Variants in VPS53 observed in about 807,000 individuals in gnomAD.
The protein encoded by VPS53 is vacuolar protein sorting-associated protein 53 homolog.
Under a neutral mutation model 107.0 loss-of-function variants are expected in VPS53, and 70 were observed. That is an observed-to-expected ratio of 0.65 (90% confidence interval 0.54 to 0.80). The LOEUF is 0.80. Among genes scored for constraint, VPS53 ranks in the 30% least tolerant of loss-of-function variants. The pLI, the probability that VPS53 is intolerant of heterozygous loss-of-function variation, is 0.00. For synonymous variants in VPS53, 409 were observed against 393.3 expected, an observed-to-expected ratio of 1.04 and a Z score of -0.47; for missense variants, 917 against 1,049.4, an observed-to-expected ratio of 0.87 and a Z score of 1.74.
chr17:627,255 T>C lies in VPS53; in HGVS notation c.893A>G (p.Tyr298Cys), dbSNP rs373758706. The change falls in exon 10 of 22, where the codon TAT becomes TGT. Residue 298 changes from tyrosine (Y) to cysteine (C), a missense_variant. By Grantham distance (194) the Tyr-to-Cys change is radical. Transcript: ENST00000437048. ...YAWIKRQLVD[Y>C]EEKYGRMFPR... ...AAACATGCGGCCGTATTTCTCCTCA[T>C]AGTCCACAAGCTGGCGTTTTATCCA... The C allele has an allele frequency of 3.9e-5, 63 of 1,613,974 alleles. No individual in the cohort carries two copies. The Middle Eastern group carries it at 4.9e-4, about 13-fold the overall frequency.
intron 7 of VPS53, among the ~76,000 whole-genome samples, 182 bp from the exon 8 acceptor site, chr17:631,810 C>T (rs1229488948): frequency 6.6e-6 from 1 of 151,934 alleles, no homozygotes; most frequent in Non-Finnish European, 1.5e-5. Context: ...CCCAGGCATC[C>T]AAGATATTCT....
chr17:626,764 T>C (rs1430871643), intron 10 of VPS53, among the ~76,000 whole-genome samples: 1 of 151,536 alleles, frequency 6.6e-6, no homozygotes, highest in Admixed American at 6.5e-5. Flanking sequence ...GTGTCTGCTA[T>C]ATCATTAAGG....
chr17:628,308 G>T, intron 8 of VPS53, 77 bp from the exon 9 acceptor site: 3 of 1,544,276 alleles, frequency 1.9e-6, no homozygotes, highest in Admixed American at 1.9e-5. Context: ...GCCACTACTT[G>T]TTATCTCTAC....
intron 4 of VPS53, among the ~76,000 whole-genome samples, chr17:667,735 C>A (rs79671786): frequency 2.0e-5 from 3 of 147,818 alleles, no homozygotes; most frequent in Non-Finnish European, 4.5e-5. Flanking sequence ...GCAGGGGACC[C>A]CAAGCCCTGG....
chr17:556,053 G>C (rs1260074566), intron 15 of VPS53, among the ~76,000 whole-genome samples: 1 of 152,130 alleles, frequency 6.6e-6, no homozygotes, highest in Non-Finnish European at 1.5e-5. Context: ...GAGGCAAGAA[G>C]ATCACTTGAG....
intron 13 of VPS53, among the ~76,000 whole-genome samples, chr17:571,799 C>T (rs989295307): frequency 2.0e-5 from 3 of 152,380 alleles, no homozygotes; most frequent in African/African-American, 7.2e-5. Context: ...CCAGCCTCGG[C>T]CTCCCGAGGT....
intron 17 of VPS53, among the ~76,000 whole-genome samples, chr17:549,169 A>G (rs1000235045): frequency 2.0e-5 from 3 of 152,220 alleles, no homozygotes; most frequent in African/African-American, 7.2e-5. Flanking sequence ...AACCAGCAGC[A>G]AAAATGATAG....
chr17:573,019 G>T (rs544537134), intron 13 of VPS53, among the ~76,000 whole-genome samples: 75 of 151,782 alleles, frequency 4.9e-4, no homozygotes, highest in African/African-American at 1.1e-3. Context: ...ACCCAAGAAT[G>T]ATCAATAAAA....
chr17:609,198 G>A (rs74251924), intron 11 of VPS53, among the ~76,000 whole-genome samples: 12 of 151,934 alleles, frequency 7.9e-5, no homozygotes, highest in East Asian at 7.7e-4. Flanking sequence ...CAACCCCATC[G>A]GCCTCTATGG....
rs534253774 is a variant in VPS53, at chr17:512,233, G to A, written c.*6895C>T. 4.6e-5 allele frequency: 7 copies of A among 152,338 alleles called. No homozygotes were observed. In the South Asian group the frequency reaches 1.4e-3, roughly 32 times the overall value. 9.4% of individuals were successfully genotyped at this position (152,338 alleles called of 1,614,324 possible). ...CAGCCACAGGCTCCCGCCCACAAGTGATCACGAACACACTTCACACTGCCT... is the reference window on the plus strand; with the variant it reads ...CAGCCACAGGCTCCCGCCCACAAGTAATCACGAACACACTTCACACTGCCT... On this transcript the variant is annotated 3_prime_UTR_variant, in exon 22 of 22. Transcript: ENST00000437048.
intron 17 of VPS53, among the ~76,000 whole-genome samples, chr17:544,656 G>C (rs1460311671): frequency 1.3e-5 from 2 of 152,194 alleles, no homozygotes; most frequent in African/African-American, 2.4e-5. Flanking sequence ...TTCTTTATCT[G>C]TGAAAAGGGG....
intron 19 of VPS53, among the ~76,000 whole-genome samples, chr17:529,769 A>G (rs1012640572): frequency 1.3e-5 from 2 of 151,774 alleles, no homozygotes; most frequent in Non-Finnish European, 2.9e-5. Context: ...TAGGCCTGGG[A>G]GCCATGGCTC....
rs34862016 is a variant in VPS53 at position 594,580 on chromosome 17, C to G, written c.1218+7215G>C. Among the ~76,000 whole-genome samples the G allele has an allele frequency of 8.4e-3, 944 of 112,150 alleles. 6 individuals are homozygous for G. Among genetic ancestry groups the G allele is most frequent in the African/African-American group, 0.025 (700 of 27,592 alleles). The allele number at this position is 112,150 out of a possible 152,430, so 73.6% of individuals were successfully genotyped here. ...GGGAAGGGGTCTGGATCAATTTCCT[C>G]GTTTGATGATGCACTCTAGTGCCCC... On this transcript the variant is annotated intron_variant, in intron 12 of 21. Coordinates refer to ENST00000437048, the MANE Select transcript of VPS53 (RefSeq NM_001128159.3).
chr17:691,950 C>T (rs923429465), intron 4 of VPS53, among the ~76,000 whole-genome samples: 4 of 152,202 alleles, frequency 2.6e-5, no homozygotes, highest in Non-Finnish European at 4.4e-5. Flanking sequence ...GGGTTTCAGG[C>T]ATCCACTGGG....
intron 7 of VPS53, among the ~76,000 whole-genome samples, chr17:646,278 C>A (rs1970702017): frequency 7.9e-6 from 1 of 127,202 alleles, no homozygotes; most frequent in South Asian, 2.7e-4. Flanking sequence ...TGGAGATCGG[C>A]TCCCACACAC....
intron 18 of VPS53, among the ~76,000 whole-genome samples, chr17:534,492 A>AGT (rs1909866037): frequency 6.6e-6 from 1 of 152,208 alleles, no homozygotes; most frequent in Non-Finnish European, 1.5e-5. Context: ...CAGGAAGGAG[A>AGT]GTAAACAAGG....
chr17:688,098 A>T (rs77236862), intron 4 of VPS53, among the ~76,000 whole-genome samples: 1,634 of 152,246 alleles, frequency 0.011, 31 homozygotes, highest in African/African-American at 0.037. Flanking sequence ...AGTGTTCCAA[A>T]TATGCCGCAG....
intron 6 of VPS53, among the ~76,000 whole-genome samples, chr17:654,040 A>T (rs1971074882): frequency 6.6e-6 from 1 of 152,016 alleles, no homozygotes. Context: ...CTAAAAATAC[A>T]CAAAATTAGC....
At chr17:633,838 G>A (rs954065126) in intron 7 of VPS53, among the ~76,000 whole-genome samples, 4 of 152,160 alleles carry the variant, frequency 2.6e-5, no homozygotes, top group Non-Finnish European at 4.4e-5. Flanking sequence ...ATTGTACTTC[G>A]GAGCTTCTTG....
Sources: gnomAD v4.1 joint callset for allele counts (sites outside exome capture counted in the v4.1 genomes callset) on GRCh38, gnomAD v4.1.1 for gene constraint, MANE v1.5 for transcripts, NCBI Gene and HGNC (gene_info 2026-07-23, HGNC 2026-07-21) for gene names.